Variants in ZNF649 observed in about 807,000 individuals in gnomAD.
ZNF649 encodes zinc finger protein 649.
Under a neutral mutation model 14.1 loss-of-function variants are expected in ZNF649, and 7 were observed. The observed-to-expected ratio is 0.49, with a 90% CI of 0.28 to 0.93. ZNF649 has a LOEUF of 0.93. Ranked by LOEUF, ZNF649 falls within the 40% of genes least tolerant of loss-of-function variation. ZNF649 has a pLI of 0.10. For missense variants in ZNF649, 544 were observed against 608.1 expected, an observed-to-expected ratio of 0.89 and a Z score of 1.11; for synonymous variants, 227 against 212.3, an observed-to-expected ratio of 1.07 and a Z score of -0.60.
At chr19:51,900,062 C>A in intron 2 of ZNF649, 31 bp downstream of exon 2, 1 of 1,478,110 alleles carries the variant, frequency 6.8e-7, no homozygotes, top group South Asian at 1.6e-5. Flanking sequence ...ATCAGGGAAT[C>A]GAGTTAAGAA....
At chr19:51,901,115 T>C (rs1204244876) in intron 1 of ZNF649, among the ~76,000 whole-genome samples, 3 of 152,166 alleles carry the variant, frequency 2.0e-5, no homozygotes, top group African/African-American at 7.2e-5. Context: ...ACACGTGAAA[T>C]GCTATAGACC....
intron 1 of ZNF649, among the ~76,000 whole-genome samples, chr19:51,901,226 G>A (rs1197549964): frequency 6.6e-6 from 1 of 152,142 alleles, no homozygotes; most frequent in Non-Finnish European, 1.5e-5. Context: ...CAGAATCCTA[G>A]AGGAAAGCAT....
chr19:51,891,693 G>A lies in ZNF649; in HGVS notation c.443C>T (p.Thr148Met), dbSNP rs145464081. Reference protein sequence around the residue: ...FLHDNHEQMPTEIEFPESRKP... With the variant: ...FLHDNHEQMPMEIEFPESRKP... Reference sequence around the variant, plus strand: ...TCTACTTTCAGGGAATTCAATTTCCGTAGGCATTTGTTCATGATTATCATG... The same window carrying A: ...TCTACTTTCAGGGAATTCAATTTCCATAGGCATTTGTTCATGATTATCATG... The change falls in exon 5 of 5, where the codon ACG becomes ATG. Residue 148 changes from threonine (T) to methionine (M), a missense_variant. Thr to Met is a moderately conservative substitution (Grantham distance 81, BLOSUM62 -1). Coordinates refer to ENST00000354957, the MANE Select transcript of ZNF649 (RefSeq NM_023074.4). This position sits in a 1 kb window ranked among gnomAD's most constrained non-coding sequence, Gnocchi z 4.2. The A allele has an allele frequency of 1.1e-3, 1,773 of 1,613,440 alleles. 16 individuals are homozygous for A. The Admixed American group carries it at 0.02, about 19-fold the overall frequency.
intron 2 of ZNF649, among the ~76,000 whole-genome samples, chr19:51,898,573 C>A (rs1182977682): frequency 6.6e-6 from 1 of 152,018 alleles, no homozygotes; most frequent in Non-Finnish European, 1.5e-5. Context: ...GATCTCCAAA[C>A]CCCATGGGGG....
At position 51,895,887 on chromosome 19, in the gene ZNF649, C is replaced by T. The variant is rs116430576; in HGVS notation, c.238+585G>A. ...GAGGGTCTTGGGAACCCCTACTTTA[C>T]AGCTGGTTGGTCAGAAGCTGAGGTG... On this transcript the variant is annotated intron_variant, in intron 4 of 4. Transcript: ENST00000354957. Among the ~76,000 whole-genome samples, 908 of 152,248 alleles carry T rather than the reference C, an allele frequency of 6.0e-3. 9 individuals are homozygous for T. The highest frequency in any genetic ancestry group is 0.02 in the African/African-American group (838 of 41,538).
chr19:51,891,050 T>C lies in ZNF649; in HGVS notation c.1086A>G (p.Val362=). The C allele has an allele frequency of 1.9e-6, 3 of 1,614,198 alleles. No individual in the cohort carries two copies. The highest frequency in any genetic ancestry group is 1.7e-6 in the Non-Finnish European group (2 of 1,180,022). The part of the protein sequence containing the change: ...GKAFSQKSCL[V]AHQRYHTGKT... ...TTCCTGTATGATATCTCTGATGTGCTACAAGGCAAGACTTCTGGCTGAAGG... is the reference window on the plus strand; with the variant it reads ...TTCCTGTATGATATCTCTGATGTGCCACAAGGCAAGACTTCTGGCTGAAGG... Residue 362 remains valine (V), a synonymous_variant, in exon 5 of 5, where the codon GTA becomes GTG. Coordinates refer to ENST00000354957, the MANE Select transcript of ZNF649 (RefSeq NM_023074.4). This position sits in a 1 kb window ranked among gnomAD's most constrained non-coding sequence, Gnocchi z 4.2.
chr19:51,891,913 A>G lies in ZNF649; in HGVS notation c.239-16T>C. The stretch of plus-strand genomic sequence containing the variant: ...TTCTCAATTTCTAAGAGAGAGAACA[A>G]TAAATCCTTCCATGATCATCACACG... On this transcript the variant is annotated splice_polypyrimidine_tract_variant and intron_variant, in intron 4 of 4. Transcript: ENST00000354957. The surrounding 1 kb of genome is among the most constrained non-coding windows in gnomAD (Gnocchi z 4.2). The G allele has an allele frequency of 3.9e-6, 6 of 1,537,060 alleles. No individual in the cohort carries two copies. Among genetic ancestry groups the G allele is most frequent in the Non-Finnish European group, 4.3e-6 (5 of 1,149,626 alleles).
In ZNF649 at chr19:51,900,066, T is replaced by C. The variant is rs557602441; in HGVS notation, c.15+27A>G. On this transcript the variant is annotated intron_variant, in intron 2 of 4. Transcript: ENST00000354957. Reference sequence around the variant, plus strand: ...TCCACAAATCCATCAGGGAATCGAGTTAAGAATAAAACAAACCAAAAGTTA... The same window carrying C: ...TCCACAAATCCATCAGGGAATCGAGCTAAGAATAAAACAAACCAAAAGTTA... The C allele has an allele frequency of 2.7e-6, 4 of 1,492,650 alleles. No homozygotes were observed. In the Admixed American group the frequency reaches 6.6e-5, roughly 25 times the overall value. The allele number at this position is 1,492,650 out of a possible 1,614,324, so 92.5% of individuals were successfully genotyped here.
In ZNF649 at chr19:51,891,588, C is replaced by T; in HGVS notation, c.548G>A (p.Cys183Tyr). 6.2e-7 allele frequency: 1 copy of T among 1,614,246 alleles called. No homozygotes were observed. The highest frequency in any genetic ancestry group is 1.1e-5 in the South Asian group (1 of 91,086). ...AGACTTCTTGAGGAAAGCTTTCCCA[C>T]AGTCAGTGCATTCATGGGCTTTCTC... ...NIEKAHECTD[C>Y]GKAFLKKSQL... Residue 183 changes from cysteine to tyrosine, a missense_variant, in exon 5 of 5, where the codon TGT becomes TAT. Coordinates refer to ENST00000354957, the MANE Select transcript of ZNF649 (RefSeq NM_023074.4). This position sits in a 1 kb window ranked among gnomAD's most constrained non-coding sequence, Gnocchi z 4.2.
At chr19:51,904,724 C>T (rs2085113576) in intron 1 of ZNF649, among the ~76,000 whole-genome samples, 190 bp downstream of exon 1, 1 of 152,120 alleles carries the variant, frequency 6.6e-6, no homozygotes, top group South Asian at 2.1e-4. Flanking sequence ...AGACCCCAAA[C>T]TCTGACGCCG....
chr19:51,900,030 T>C, intron 2 of ZNF649, 63 bp downstream of exon 2: 1 of 1,409,924 alleles, frequency 7.1e-7, no homozygotes, highest in Non-Finnish European at 9.4e-7. Context: ...ATGAACTGAT[T>C]TCTTCAGACT....
chr19:51,901,206 A>C (rs2085092723), intron 1 of ZNF649, among the ~76,000 whole-genome samples: 1 of 152,148 alleles, frequency 6.6e-6, no homozygotes, highest in Non-Finnish European at 1.5e-5. Context: ...CCTAACATTC[A>C]CCAAAACTCC....
At chr19:51,895,602 A>G (rs1176963432) in intron 4 of ZNF649, among the ~76,000 whole-genome samples, 1 of 152,116 alleles carries the variant, frequency 6.6e-6, no homozygotes, top group East Asian at 1.9e-4. Context: ...TCAGCCTCCC[A>G]AAGTGCTGGG....
At chr19:51,893,132 T>C (rs75776123) in intron 4 of ZNF649, among the ~76,000 whole-genome samples, 7,158 of 152,282 alleles carry the variant, frequency 0.047, 346 homozygotes, top group South Asian at 0.22. Flanking sequence ...CCAGCTGTTT[T>C]GGTCAGCTGC....
intron 4 of ZNF649, among the ~76,000 whole-genome samples, chr19:51,892,530 A>T (rs1242603788): frequency 6.6e-6 from 1 of 152,066 alleles, no homozygotes; most frequent in East Asian, 1.9e-4. Context: ...CTTTTTTTTT[A>T]ATTTAAAAAA....
chr19:51,894,972 T>G (rs1420381285), intron 4 of ZNF649, among the ~76,000 whole-genome samples: 2 of 152,236 alleles, frequency 1.3e-5, no homozygotes, highest in Non-Finnish European at 2.9e-5. Context: ...TAAGAAATGC[T>G]TAATAGATGG....
Position 51,896,461 on chromosome 19 carries a change from C to A in ZNF649, c.238+11G>T. ...GCTGCCTTCCCCTCTTGCTGGTTCTCTCTCACTTACCTGGGTGGGCTGGAC... is the reference window on the plus strand; with the variant it reads ...GCTGCCTTCCCCTCTTGCTGGTTCTATCTCACTTACCTGGGTGGGCTGGAC... On this transcript the variant is annotated intron_variant, in intron 4 of 4. Coordinates refer to ENST00000354957, the MANE Select transcript of ZNF649 (RefSeq NM_023074.4). The A allele has an allele frequency of 6.2e-7, 1 of 1,613,258 alleles. No individual in the cohort carries two copies. Among genetic ancestry groups the A allele is most frequent in the South Asian group, 1.1e-5 (1 of 91,042 alleles).
chr19:51,892,020 A>C lies in ZNF649; in HGVS notation c.239-123T>G, dbSNP rs552401209. The stretch of plus-strand genomic sequence containing the variant: ...ATAATACCAACATGGAAGGAATTCC[A>C]AGTATAAGTGTTCCCTATCTGTTAA... On this transcript the variant is annotated intron_variant, in intron 4 of 4. Transcript: ENST00000354957. 159 of 1,145,042 alleles carry C rather than the reference A, an allele frequency of 1.4e-4. No individual in the cohort carries two copies. In the African/African-American group the frequency reaches 2.3e-3, roughly 16 times the overall value. The allele number at this position is 1,145,042 out of a possible 1,614,324, so 70.9% of individuals were successfully genotyped here. A position where few individuals can be genotyped will look rare whatever the true frequency, so the allele number is the denominator to read the frequency against.
At position 51,891,217 on chromosome 19, in the gene ZNF649, C is replaced by T; in HGVS notation, c.919G>A (p.Val307Ile). 2 of 1,614,242 alleles carry T rather than the reference C, an allele frequency of 1.2e-6. No individual in the cohort carries two copies. The highest frequency in any genetic ancestry group is 2.2e-5 in the South Asian group (2 of 91,088). ...RAFSRKSLLV[V>I]HQRTHTGEKP... ...TCTCCTGTATGAGTTCGCTGATGTA[C>T]AACGAGTAGTGATTTTCTGGAGAAA... Residue 307 changes from valine to isoleucine, a missense_variant, in exon 5 of 5, where the codon GTA (valine) becomes ATA (isoleucine). Physicochemically the swap from Val to Ile is conservative, Grantham distance 29. Transcript: ENST00000354957. The surrounding 1 kb of genome is among the most constrained non-coding windows in gnomAD (Gnocchi z 4.2).
Sources: allele counts gnomAD v4.1 joint callset (sites outside exome capture counted in the v4.1 genomes callset), GRCh38; gene constraint gnomAD v4.1.1; non-coding constraint Gnocchi (gnomAD v3.1); transcripts MANE v1.5; gene names NCBI Gene and HGNC (gene_info 2026-07-23, HGNC 2026-07-21).